The following TMEM181 variants were observed in gnomAD, a reference collection of about 807,000 sequenced individuals.
The protein encoded by TMEM181 is transmembrane protein 181, also known as G protein-coupled receptor 178.
A neutral mutation model predicts 71.9 loss-of-function variants in TMEM181; 39 were observed. That is an observed-to-expected ratio of 0.54 (90% CI 0.42 to 0.71). The LOEUF is 0.71. TMEM181 is among the 30% of genes least tolerant of loss of function. TMEM181 has a pLI of 0.00. For missense variants in TMEM181, 595 were observed against 583.0 expected (o/e 1.02, Z -0.21); for synonymous variants, 245 against 228.8 (o/e 1.07, Z -0.64).
In TMEM181 at chr6:158,634,085, G is replaced by A. The variant is rs1374870765; in HGVS notation, c.*2197G>A. ...GATGACTATTATCTTCATACATTGA[G>A]TCTTCATGCATCAATGAAATGAAAA... On this transcript the variant is annotated 3_prime_UTR_variant, in exon 17 of 17. Coordinates refer to ENST00000684151, the MANE Select transcript of TMEM181 (RefSeq NM_001376852.1). 1.3e-5 allele frequency: 2 copies of A among 152,104 alleles called. No homozygotes were observed. The highest frequency in any genetic ancestry group is 2.4e-5 in the African/African-American group (1 of 41,412). The allele number at this position is 152,104 out of a possible 1,614,324, so 9.4% of individuals were successfully genotyped here.
chr6:158,561,423 T>G (rs184825203), intron 1 of TMEM181, among the ~76,000 whole-genome samples: 194 of 152,340 alleles, frequency 1.3e-3, no homozygotes, highest in Non-Finnish European at 1.3e-3. Flanking sequence ...AAGATTCTTG[T>G]GCGGCCTATG....
intron 1 of TMEM181, among the ~76,000 whole-genome samples, chr6:158,551,512 A>G (rs956312126): frequency 6.6e-6 from 1 of 152,208 alleles, no homozygotes; most frequent in African/African-American, 2.4e-5. Flanking sequence ...CAGGATAGCC[A>G]GGGTTAAGAA....
chr6:158,560,705 C>G (rs979387270), intron 1 of TMEM181, among the ~76,000 whole-genome samples: 12 of 152,212 alleles, frequency 7.9e-5, no homozygotes, highest in African/African-American at 2.9e-4. Context: ...GCGAGGCTCT[C>G]AGAGGCGATT....
intron 13 of TMEM181, among the ~76,000 whole-genome samples, chr6:158,627,413 C>T (rs994026977): frequency 2.6e-5 from 4 of 152,194 alleles, no homozygotes; most frequent in East Asian, 1.9e-4. Flanking sequence ...CAGAGAGAGA[C>T]GAGTGGCAAA....
At chr6:158,593,679 A>C (rs1176921426) in intron 6 of TMEM181, among the ~76,000 whole-genome samples, 3 of 152,254 alleles carry the variant, frequency 2.0e-5, no homozygotes, top group African/African-American at 7.2e-5. Context: ...TCTTTTATAA[A>C]ATTGCTGTTG....
In TMEM181 at chr6:158,626,642, T is replaced by C. The variant is rs1330518771; in HGVS notation, c.1109+888T>C. ...ACTTGGACTTGAACTCAAATTTCAT[T>C]CAGCATCAAAAGTCACTCAGAATAA... On this transcript the variant is annotated intron_variant, in intron 13 of 16. Coordinates refer to ENST00000684151, the MANE Select transcript of TMEM181 (RefSeq NM_001376852.1). 1.5e-5 allele frequency: 7 copies of C among 454,210 alleles called. No homozygotes were observed. The Admixed American group carries it at 1.7e-4, about 11-fold the overall frequency. The allele number at this position is 454,210 out of a possible 1,614,324, so 28.1% of individuals were successfully genotyped here.
chr6:158,578,941 C>T (rs552354692), intron 2 of TMEM181, among the ~76,000 whole-genome samples: 1 of 152,148 alleles, frequency 6.6e-6, no homozygotes, highest in Admixed American at 6.5e-5. Context: ...ATTTCACTTC[C>T]GTGTATATAC....
chr6:158,550,269 T>A (rs1477748433), intron 1 of TMEM181, among the ~76,000 whole-genome samples: 1 of 151,592 alleles, frequency 6.6e-6, no homozygotes, highest in African/African-American at 2.4e-5. Flanking sequence ...GGTCTCGAAC[T>A]CCTGACCTCA....
At chr6:158,619,867 C>CAAAAA (rs61626531) in intron 10 of TMEM181, among the ~76,000 whole-genome samples, 1 of 67,744 alleles carries the variant, frequency 1.5e-5, no homozygotes, top group South Asian at 5.3e-4. Flanking sequence ...GACTCCGTCT[C>CAAAAA]AAAAAAAAAA....
intron 1 of TMEM181, among the ~76,000 whole-genome samples, chr6:158,538,959 C>CAGAG (rs1283171569): frequency 6.6e-6 from 1 of 152,184 alleles, no homozygotes; most frequent in Admixed American, 6.5e-5. Flanking sequence ...GAGGCTGGGC[C>CAGAG]AGGCCCTGAA....
intron 6 of TMEM181, among the ~76,000 whole-genome samples, chr6:158,594,613 T>G (rs549716556): frequency 2.0e-5 from 3 of 152,354 alleles, no homozygotes; most frequent in Admixed American, 1.3e-4. Context: ...GTTTTTAAGT[T>G]TTGACAATTA....
At chr6:158,545,880 GC>G (rs1781511748) in intron 1 of TMEM181, among the ~76,000 whole-genome samples, 1 of 152,106 alleles carries the variant, frequency 6.6e-6, no homozygotes, top group South Asian at 2.1e-4. Flanking sequence ...CTAGGAAAGT[GC>G]CCTCTGCGCT....
chr6:158,594,387 C>G (rs1784283255), intron 6 of TMEM181, among the ~76,000 whole-genome samples: 1 of 152,116 alleles, frequency 6.6e-6, no homozygotes, highest in African/African-American at 2.4e-5. Context: ...GCGTGAGCCA[C>G]TGTGCCAGGC....
At position 158,632,323 on chromosome 6, in the gene TMEM181, A is replaced by T; in HGVS notation, c.*435A>T. The T allele has an allele frequency of 5.5e-6, 1 of 181,112 alleles. No individual in the cohort carries two copies. The highest frequency in any genetic ancestry group is 1.2e-5 in the Non-Finnish European group (1 of 84,100). The allele number at this position is 181,112 out of a possible 1,614,324, so 11.2% of individuals were successfully genotyped here. ...ATGGTACTGTTTTGTGACCCTTTAA[A>T]CTCAAAGGGAAGCCTTATCTGTGGC... On this transcript the variant is annotated 3_prime_UTR_variant, in exon 17 of 17. Coordinates refer to ENST00000684151, the MANE Select transcript of TMEM181 (RefSeq NM_001376852.1).
chr6:158,620,167 G>A lies in TMEM181; in HGVS notation c.897-3383G>A, dbSNP rs1235633133. ...GAAGGAGACAGCCCAGAGGGGAGGCGTGGGAATGTGGGATGGTTTGGCACC... is the reference window on the plus strand; with the variant it reads ...GAAGGAGACAGCCCAGAGGGGAGGCATGGGAATGTGGGATGGTTTGGCACC... On this transcript the variant is annotated intron_variant, in intron 10 of 16. Coordinates refer to ENST00000684151, the MANE Select transcript of TMEM181 (RefSeq NM_001376852.1). This position sits in a 1 kb window ranked among gnomAD's most constrained non-coding sequence, Gnocchi z 4.5. Among the ~76,000 whole-genome samples, 3 of 152,174 alleles carry A rather than the reference G, an allele frequency of 2.0e-5. No individual in the cohort carries two copies. The highest frequency in any genetic ancestry group is 6.5e-5 in the Admixed American group (1 of 15,280).
At chr6:158,585,462 G>C in intron 5 of TMEM181, 37 bp downstream of exon 5, 7 of 1,505,650 alleles carry the variant, frequency 4.6e-6, no homozygotes, top group Non-Finnish European at 6.2e-6. Context: ...TCAGTCCTCA[G>C]GCTGTGTACA....
chr6:158,605,219 G>A (rs1784890301), intron 6 of TMEM181, 48 bp from the exon 7 acceptor site: 1 of 1,432,966 alleles, frequency 7.0e-7, no homozygotes, highest in African/African-American at 1.4e-5. Flanking sequence ...TTTTCTCTTA[G>A]ATGCATATAT....
At chr6:158,562,684 C>T (rs948218128) in intron 1 of TMEM181, among the ~76,000 whole-genome samples, 1 of 152,092 alleles carries the variant, frequency 6.6e-6, no homozygotes, top group Non-Finnish European at 1.5e-5. Context: ...GCACACCAGG[C>T]TTGGGTCAGT....
At chr6:158,561,573 A>G (rs1782179544) in intron 1 of TMEM181, among the ~76,000 whole-genome samples, 2 of 152,094 alleles carry the variant, frequency 1.3e-5, no homozygotes, top group African/African-American at 2.4e-5. Flanking sequence ...AGTAGGAGAG[A>G]GGCCGGGGAC....
Sources: gnomAD v4.1 joint callset for allele counts (sites outside exome capture counted in the v4.1 genomes callset) on GRCh38, gnomAD v4.1.1 for gene constraint, Gnocchi (gnomAD v3.1) non-coding constraint, MANE v1.5 for transcripts, NCBI Gene and HGNC (gene_info 2026-07-23, HGNC 2026-07-21) for gene names.